Variants in TRERF1 observed in about 807,000 individuals in gnomAD.
The protein encoded by TRERF1 is transcriptional regulating factor 1.
A neutral mutation model predicts 122.9 loss-of-function variants in TRERF1; 27 were observed. The observed-to-expected ratio is 0.22, with a 90% confidence interval of 0.16 to 0.30. The LOEUF (loss-of-function observed/expected upper bound fraction) is 0.30, where lower values mean the gene tolerates loss of function less well. TRERF1 is among the 10% of genes least tolerant of loss of function. TRERF1 has a pLI of 1.00. For missense variants in TRERF1, 1,248 were observed against 1,560.3 expected, an observed-to-expected ratio of 0.80 and a Z score of 3.37; for synonymous variants, 636 against 641.7, an observed-to-expected ratio of 0.99 and a Z score of 0.13.
At chr6:42,313,477 G>A (rs1762006526) in intron 3 of TRERF1, among the ~76,000 whole-genome samples, 1 of 152,080 alleles carries the variant, frequency 6.6e-6, no homozygotes, top group South Asian at 2.1e-4. Context: ...AGCTGGAAAA[G>A]GGGTCTTCTC....
At chr6:42,330,976 A>C (rs1388303124) in intron 3 of TRERF1, among the ~76,000 whole-genome samples, 1 of 152,038 alleles carries the variant, frequency 6.6e-6, no homozygotes, top group African/African-American at 2.4e-5. Context: ...ACTGCACCCG[A>C]CCAGATGTTT....
chr6:42,423,141 G>T (rs569226853), intron 2 of TRERF1, among the ~76,000 whole-genome samples: 1 of 152,158 alleles, frequency 6.6e-6, no homozygotes, highest in African/African-American at 2.4e-5. Flanking sequence ...GCCCAGCCAT[G>T]GGCATCTTTT....
At chr6:42,390,564 G>A (rs75985447) in intron 2 of TRERF1, among the ~76,000 whole-genome samples, 1 of 152,238 alleles carries the variant, frequency 6.6e-6, no homozygotes, top group Non-Finnish European at 1.5e-5. Flanking sequence ...CTATGCGTTC[G>A]CACTGGTATC....
intron 2 of TRERF1, among the ~76,000 whole-genome samples, chr6:42,388,658 G>A (rs1397337553): frequency 6.6e-6 from 1 of 152,174 alleles, no homozygotes; most frequent in Non-Finnish European, 1.5e-5. Flanking sequence ...AGAAGGTGAG[G>A]ATTCCGTTAG....
At chr6:42,284,351 C>A (rs979553468) in intron 4 of TRERF1, among the ~76,000 whole-genome samples, 2 of 152,012 alleles carry the variant, frequency 1.3e-5, no homozygotes, top group African/African-American at 4.8e-5. Flanking sequence ...CAGGCGTGAG[C>A]CACGGCACCA....
At chr6:42,378,665 C>T (rs890952066) in intron 2 of TRERF1, among the ~76,000 whole-genome samples, 8 of 152,130 alleles carry the variant, frequency 5.3e-5, no homozygotes, top group African/African-American at 1.4e-4. Context: ...CTAGGAGAGT[C>T]GATGCCTAGT....
chr6:42,271,240 T>G (rs563872071), intron 4 of TRERF1, among the ~76,000 whole-genome samples: 32 of 151,956 alleles, frequency 2.1e-4, no homozygotes, highest in African/African-American at 7.7e-4. Context: ...TGAAATTCTT[T>G]CTAGAACTCA....
intron 3 of TRERF1, among the ~76,000 whole-genome samples, chr6:42,342,156 C>T (rs1056289780): frequency 6.6e-6 from 1 of 152,258 alleles, no homozygotes; most frequent in African/African-American, 2.4e-5. Context: ...AAGATTCCCA[C>T]TGTCCTGAGC....
intron 2 of TRERF1, among the ~76,000 whole-genome samples, chr6:42,403,403 A>C (rs1779705958): frequency 6.6e-6 from 1 of 152,152 alleles, no homozygotes. Context: ...ACACACATAC[A>C]CACACACTCA....
chr6:42,243,878 C>G (rs1050073863), intron 14 of TRERF1, among the ~76,000 whole-genome samples: 1 of 135,478 alleles, frequency 7.4e-6, no homozygotes, highest in Admixed American at 7.2e-5. Context: ...CTGCGCCCAG[C>G]CTTTTTTTTT....
chr6:42,268,079 G>A lies in TRERF1; in HGVS notation c.1437+75C>T. 1 of 1,365,152 alleles carries A rather than the reference G, an allele frequency of 7.3e-7. No homozygotes were observed. The highest frequency in any genetic ancestry group is 2.5e-5 in the South Asian group (1 of 39,324). The allele number at this position is 1,365,152 out of a possible 1,614,324, so 84.6% of individuals were successfully genotyped here. On this transcript the variant is annotated intron_variant, in intron 5 of 17. Transcript: ENST00000372922. The surrounding 1 kb of genome is among the most constrained non-coding windows in gnomAD (Gnocchi z 4.4). Reference sequence around the variant, plus strand: ...AAAGGGTTGAGGGGGCTTGGAGAGAGGATTGAGCACTGCAGACTCAGCCCT... The same window carrying A: ...AAAGGGTTGAGGGGGCTTGGAGAGAAGATTGAGCACTGCAGACTCAGCCCT...
At chr6:42,309,602 C>T (rs1787881515) in intron 3 of TRERF1, among the ~76,000 whole-genome samples, 1 of 152,166 alleles carries the variant, frequency 6.6e-6, no homozygotes, top group Non-Finnish European at 1.5e-5. Context: ...GACTCTCAGT[C>T]CTCACCTCAA....
At chr6:42,392,496 T>C (rs566349213) in intron 2 of TRERF1, among the ~76,000 whole-genome samples, 32 of 152,266 alleles carry the variant, frequency 2.1e-4, no homozygotes, top group African/African-American at 6.5e-4. Flanking sequence ...AAATAAAGCC[T>C]CTTTATTATA....
At chr6:42,403,661 G>T (rs1381635273) in intron 2 of TRERF1, among the ~76,000 whole-genome samples, 1 of 152,190 alleles carries the variant, frequency 6.6e-6, no homozygotes, top group Non-Finnish European at 1.5e-5. Flanking sequence ...GCCCTAGAAA[G>T]CTAAGACAAG....
rs375265653 is a variant in TRERF1, at chr6:42,327,175, G to T, written c.-370-26426C>A. Among the ~76,000 whole-genome samples, 181 of 152,320 alleles carry T rather than the reference G, an allele frequency of 1.2e-3. 2 individuals carry two copies. The highest frequency in any genetic ancestry group is 4.2e-3 in the African/African-American group (175 of 41,572). The stretch of plus-strand genomic sequence containing the variant: ...TCTCCACCATTCCTTCATCCAGGTA[G>T]GAGAAGGGGATGTGCTTGTTGTTCC... On this transcript the variant is annotated intron_variant, in intron 3 of 17. Transcript: ENST00000372922.
In TRERF1 at chr6:42,418,817, G is replaced by C. The variant is rs148672231; in HGVS notation, c.-454+32360C>G. Among the ~76,000 whole-genome samples the C allele has an allele frequency of 2.6e-3, 400 of 152,276 alleles. 2 individuals are homozygous for C. Among genetic ancestry groups the C allele is most frequent in the African/African-American group, 9.3e-3 (385 of 41,550 alleles). On this transcript the variant is annotated intron_variant, in intron 2 of 17. Transcript: ENST00000372922. ...AGGCAGGGCTGCCTTAAAGCCAATA[G>C]TAAATGGAAACCACCCCCTGCATTT...
At chr6:42,402,871 G>A (rs1178556356) in intron 2 of TRERF1, among the ~76,000 whole-genome samples, 15 of 152,126 alleles carry the variant, frequency 9.9e-5, no homozygotes. Flanking sequence ...CTGACGCTAG[G>A]AGAGGTCAGG....
At position 42,269,539 on chromosome 6, in the gene TRERF1, T is replaced by C. The variant is rs750560544; in HGVS notation, c.52A>G (p.Asn18Asp). Residue 18 changes from asparagine to aspartate, a missense_variant, in exon 5 of 18, where the codon AAC becomes GAC. By Grantham distance (23) the Asn-to-Asp change is conservative. Transcript: ENST00000372922. This position sits in a 1 kb window ranked among gnomAD's most constrained non-coding sequence, Gnocchi z 4.9. ...AGTGGTGGCTGTTGGTAGAAAAGGT[T>C]CTCACTACCATGGGCCACATGGTTG... 1.2e-6 allele frequency: 2 copies of C among 1,614,192 alleles called. No individual in the cohort carries two copies. Among genetic ancestry groups the C allele is most frequent in the Non-Finnish European group, 8.5e-7 (1 of 1,180,022 alleles).
At position 42,276,531 on chromosome 6, in the gene TRERF1, C is replaced by A. The variant is rs1309791535; in HGVS notation, c.-258-6683G>T. Among the ~76,000 whole-genome samples the A allele has an allele frequency of 1.3e-5, 2 of 152,198 alleles. No homozygotes were observed. The highest frequency in any genetic ancestry group is 4.8e-5 in the African/African-American group (2 of 41,448). On this transcript the variant is annotated intron_variant, in intron 4 of 17. Transcript: ENST00000372922. The surrounding 1 kb of genome is among the most constrained non-coding windows in gnomAD (Gnocchi z 4.3). The stretch of plus-strand genomic sequence containing the variant: ...CCAGCTCACTCCCAGCTCCCCTAAG[C>A]AGGCAGGAGCCAAGGGCGGCTCTCC...
Sources: allele counts gnomAD v4.1 joint callset (sites outside exome capture counted in the v4.1 genomes callset), GRCh38; gene constraint gnomAD v4.1.1; non-coding constraint Gnocchi (gnomAD v3.1); transcripts MANE v1.5; gene names NCBI Gene and HGNC (gene_info 2026-07-23, HGNC 2026-07-21).